VWA3B: variants seen among roughly 807,000 people sequenced by gnomAD.
The protein encoded by VWA3B is von Willebrand factor A domain containing 3B.
A neutral mutation model predicts 158.3 loss-of-function variants in VWA3B; 138 were observed. The ratio of observed to expected loss-of-function variants is 0.87; its 90% CI spans 0.76 to 1.00. The LOEUF is 1.00. Among genes scored for constraint, VWA3B ranks in the 50% least tolerant of loss-of-function variants. The probability of loss-of-function intolerance (pLI) is 0.00; values close to 1 mark genes in which losing one functional copy is unlikely to be tolerated. For missense variants in VWA3B, 1,555 were observed against 1,565.1 expected, an observed-to-expected ratio of 0.99 and a Z score of 0.11; for synonymous variants, 596 against 587.3, an observed-to-expected ratio of 1.01 and a Z score of -0.21.
chr2:98,139,849 T>A lies in VWA3B; in HGVS notation c.988+5910T>A, dbSNP rs138092509. Among the ~76,000 whole-genome samples, 86 of 152,156 alleles carry A rather than the reference T, an allele frequency of 5.7e-4. 1 individual carries two copies. The East Asian group carries it at 0.015, about 27-fold the overall frequency. ...AGCCAGCAGTGGTAACCCCCTCAGG[T>A]CCCCTCAGGCTGTGGAAGCTTTGTT... On this transcript the variant is annotated intron_variant, in intron 7 of 27. Coordinates refer to ENST00000477737, the MANE Select transcript of VWA3B (RefSeq NM_144992.5).
chr2:98,184,632 G>GC (rs1377412565), intron 9 of VWA3B, among the ~76,000 whole-genome samples: 2 of 152,136 alleles, frequency 1.3e-5, no homozygotes, highest in Non-Finnish European at 2.9e-5. Flanking sequence ...CCCCCACCCC[G>GC]CCCTCTGGGC....
Position 98,125,197 on chromosome 2 carries a change from C to G in VWA3B, c.703-3042C>G, listed in dbSNP as rs541144717. On this transcript the variant is annotated intron_variant, in intron 5 of 27. Coordinates refer to ENST00000477737, the MANE Select transcript of VWA3B (RefSeq NM_144992.5). The surrounding 1 kb of genome is among the most constrained non-coding windows in gnomAD (Gnocchi z 4.1). ...CTTTAAGCCAAACAATCTCCTGGTC[C>G]CAACTTTTGGTCAGTGATGTTGGTA... is the stretch of plus-strand genomic sequence containing the variant. 6.6e-6 allele frequency among the ~76,000 whole-genome samples: 1 copy of G among 152,286 alleles called. No individual in the cohort carries two copies. The highest frequency in any genetic ancestry group is 6.5e-5 in the Admixed American group (1 of 15,302).
intron 11 of VWA3B, among the ~76,000 whole-genome samples, chr2:98,194,076 T>A (rs757163146): frequency 9.9e-5 from 15 of 152,204 alleles, no homozygotes; most frequent in Non-Finnish European, 1.8e-4. Context: ...TTAAAATCAA[T>A]ATTTAATGTC....
At chr2:98,218,524 C>G (rs1024394800) in intron 14 of VWA3B, among the ~76,000 whole-genome samples, 2 of 152,290 alleles carry the variant, frequency 1.3e-5, no homozygotes, top group East Asian at 1.9e-4. Flanking sequence ...GAAACAATGT[C>G]AGATGTAGGT....
chr2:98,279,881 G>A (rs1272991505), intron 22 of VWA3B, among the ~76,000 whole-genome samples: 1 of 152,194 alleles, frequency 6.6e-6, no homozygotes, highest in Non-Finnish European at 1.5e-5. Context: ...AGGGCAGAGA[G>A]CAAGGGGGAT....
At chr2:98,118,510 G>A (rs961187459) in intron 3 of VWA3B, among the ~76,000 whole-genome samples, 6 of 152,152 alleles carry the variant, frequency 3.9e-5, no homozygotes, top group African/African-American at 1.4e-4. Context: ...CAAACACGGG[G>A]CTTGCAACTT....
intron 5 of VWA3B, among the ~76,000 whole-genome samples, chr2:98,121,662 C>T (rs1674977242): frequency 6.6e-6 from 1 of 152,140 alleles, no homozygotes; most frequent in African/African-American, 2.4e-5. Context: ...CTGAACCTGG[C>T]TAGGCTCCCT....
chr2:98,290,253 G>A (rs116409781), intron 22 of VWA3B, among the ~76,000 whole-genome samples: 198 of 152,130 alleles, frequency 1.3e-3, no homozygotes, highest in African/African-American at 4.7e-3. Context: ...TGAAAGGGGA[G>A]GTGCCACACA....
chr2:98,196,351 A>G (rs1266869277), intron 12 of VWA3B, among the ~76,000 whole-genome samples: 3 of 152,238 alleles, frequency 2.0e-5, no homozygotes, highest in Non-Finnish European at 4.4e-5. Context: ...ATATACATAT[A>G]TCAAAACATT....
intron 13 of VWA3B, chr2:98,216,694 G>A (rs1042349580): frequency 8.5e-6 from 4 of 471,388 alleles, no homozygotes; most frequent in African/African-American, 2.0e-5. Context: ...CTTATCCTAG[G>A]CTGACAGCAG....
intron 16 of VWA3B, among the ~76,000 whole-genome samples, chr2:98,230,800 T>C (rs772643773): frequency 6.6e-6 from 1 of 152,056 alleles, no homozygotes; most frequent in Non-Finnish European, 1.5e-5. Flanking sequence ...TTCTAGCCAC[T>C]GTAACAAGGC....
At chr2:98,120,635 G>T (rs1483394143) in intron 4 of VWA3B, among the ~76,000 whole-genome samples, 1 of 152,202 alleles carries the variant, frequency 6.6e-6, no homozygotes, top group Non-Finnish European at 1.5e-5. Flanking sequence ...GGCCATGGGG[G>T]CAATCGGGCC....
intron 23 of VWA3B, among the ~76,000 whole-genome samples, chr2:98,292,264 G>A (rs748577921): frequency 2.1e-4 from 32 of 152,088 alleles, no homozygotes; most frequent in South Asian, 1.0e-3. Flanking sequence ...TTGCAGATAC[G>A]TAGCTGGCCT....
chr2:98,102,697 C>T (rs763173755), intron 2 of VWA3B, among the ~76,000 whole-genome samples: 2 of 152,180 alleles, frequency 1.3e-5, no homozygotes, highest in East Asian at 1.9e-4. Flanking sequence ...TTTCTTGTAA[C>T]GTCATTGTCA....
intron 19 of VWA3B, among the ~76,000 whole-genome samples, chr2:98,247,170 G>C (rs1423530068): frequency 6.6e-6 from 1 of 151,814 alleles, no homozygotes; most frequent in South Asian, 2.1e-4. Context: ...GCTAATTTTT[G>C]TATTTTTAGT....
chr2:98,321,220 A>G, the VWA3B span, among the ~76,000 whole-genome samples: 1 of 152,244 alleles, frequency 6.6e-6, no homozygotes, highest in Non-Finnish European at 1.5e-5. Flanking sequence ...ATGTTTGGAA[A>G]TGCCTGGATG....
intron 22 of VWA3B, among the ~76,000 whole-genome samples, chr2:98,280,659 T>C: frequency 6.6e-6 from 1 of 152,324 alleles, no homozygotes; most frequent in East Asian, 1.9e-4. Flanking sequence ...AGGTGGAAAC[T>C]GCACTGGGGT....
At chr2:98,309,024 T>C (rs1690713258) in intron 26 of VWA3B, among the ~76,000 whole-genome samples, 1 of 151,492 alleles carries the variant, frequency 6.6e-6, no homozygotes, top group East Asian at 1.9e-4. Context: ...ATACAAAAAT[T>C]AGATGGACAT....
chr2:98,108,198 A>G (rs1425268378), intron 2 of VWA3B, among the ~76,000 whole-genome samples: 1 of 151,872 alleles, frequency 6.6e-6, no homozygotes, highest in East Asian at 1.9e-4. Context: ...TTTGATTTCT[A>G]GTTTGTTCCC....
Sources: gnomAD v4.1 joint callset for allele counts (sites outside exome capture counted in the v4.1 genomes callset) on GRCh38, gnomAD v4.1.1 for gene constraint, Gnocchi (gnomAD v3.1) non-coding constraint, MANE v1.5 for transcripts, NCBI Gene and HGNC (gene_info 2026-07-23, HGNC 2026-07-21) for gene names.